Variants in TRAK1 observed in about 807,000 individuals in gnomAD.
TRAK1 encodes the protein trafficking kinesin-binding protein 1.
TRAK1 carries 33 observed loss-of-function variants against 92.1 expected under a neutral mutation model. The observed-to-expected ratio is 0.36, with a 90% confidence interval of 0.27 to 0.48. The LOEUF is 0.48. Among genes scored for constraint, TRAK1 ranks in the 20% least tolerant of loss-of-function variants. The probability of loss-of-function intolerance (pLI) is 0.99; values close to 1 mark genes in which losing one functional copy is unlikely to be tolerated. For synonymous variants in TRAK1, 521 were observed against 517.3 expected (o/e 1.01, Z -0.10); for missense variants, 1,123 against 1,257.9 (o/e 0.89, Z 1.62).
chr3:42,198,071 A>G (rs1707003561), intron 10 of TRAK1, among the ~76,000 whole-genome samples: 2 of 152,198 alleles, frequency 1.3e-5, no homozygotes, highest in African/African-American at 4.8e-5. Context: ...TCTGTTGTTT[A>G]ACATGAATTT....
chr3:42,110,962 A>G (rs918503270), intron 1 of TRAK1, among the ~76,000 whole-genome samples: 1 of 152,320 alleles, frequency 6.6e-6, no homozygotes, highest in East Asian at 1.9e-4. Context: ...GTGTAGTCCA[A>G]TGACAGAGAC....
At chr3:42,182,341 G>T (rs61659598) in intron 3 of TRAK1, among the ~76,000 whole-genome samples, 1 of 149,496 alleles carries the variant, frequency 6.7e-6, no homozygotes, top group Non-Finnish European at 1.5e-5. Context: ...GTCTCTCTCA[G>T]ACACTCAGGC....
chr3:42,101,100 T>A (rs181014451), intron 1 of TRAK1, among the ~76,000 whole-genome samples: 171 of 152,330 alleles, frequency 1.1e-3, no homozygotes, highest in African/African-American at 3.7e-3. Flanking sequence ...AGGATTGGCT[T>A]TGTTTGTCTC....
chr3:42,202,359 T>C lies in TRAK1; in HGVS notation c.1428-77T>C. The C allele has an allele frequency of 7.3e-7, 1 of 1,372,668 alleles. No homozygotes were observed. Among genetic ancestry groups the C allele is most frequent in the Non-Finnish European group, 9.5e-7 (1 of 1,049,926 alleles). The allele number at this position is 1,372,668 out of a possible 1,614,324, so 85.0% of individuals were successfully genotyped here. On this transcript the variant is annotated intron_variant, in intron 12 of 15. Coordinates refer to ENST00000327628, the MANE Select transcript of TRAK1 (RefSeq NM_001042646.3). This position sits in a 1 kb window ranked among gnomAD's most constrained non-coding sequence, Gnocchi z 6.1. ...TGTAGCCCCAGGGAACGTCCACCGC[T>C]GTGCATTGAGCAGTCGGGCCTCTGT...
At position 42,193,916 on chromosome 3, in the gene TRAK1, A is replaced by G. The variant is rs374149975; in HGVS notation, c.975+18A>G. On this transcript the variant is annotated intron_variant, in intron 9 of 15. Transcript: ENST00000327628. ...CAGCCGAGGTGAGCACCTCTCCCTCATTCCTTCAGTGCCTCTGATTGCAGC... is the reference window on the plus strand; with the variant it reads ...CAGCCGAGGTGAGCACCTCTCCCTCGTTCCTTCAGTGCCTCTGATTGCAGC... The G allele has an allele frequency of 1.2e-5, 20 of 1,611,592 alleles. No homozygotes were observed. The highest frequency in any genetic ancestry group is 4.4e-5 in the South Asian group (4 of 90,674).
chr3:42,174,196 G>A (rs1267025279), intron 2 of TRAK1, among the ~76,000 whole-genome samples: 1 of 151,968 alleles, frequency 6.6e-6, no homozygotes, highest in Non-Finnish European at 1.5e-5. Context: ...GCTAATTTTT[G>A]TGTTTTTAGT....
At chr3:42,133,153 C>T (rs1697437531) in intron 2 of TRAK1, among the ~76,000 whole-genome samples, 1 of 152,186 alleles carries the variant, frequency 6.6e-6, no homozygotes, top group Non-Finnish European at 1.5e-5. Flanking sequence ...TGAAATCCAA[C>T]TGGGTCATGC....
At chr3:42,188,979 G>C (rs754109640) in intron 5 of TRAK1, 37 bp from the exon 6 acceptor site, 1 of 1,478,172 alleles carries the variant, frequency 6.8e-7, no homozygotes, top group East Asian at 2.3e-5. Flanking sequence ...GGGAGGAAAT[G>C]CGTCTCCCTA....
intron 1 of TRAK1, chr3:42,051,655 G>C (rs1233148697): frequency 6.6e-6 from 1 of 152,274 alleles, no homozygotes; most frequent in African/African-American, 2.4e-5. Context: ...AGCTTGAGCA[G>C]CTGAGTGGCT....
chr3:42,071,328 C>T (rs146536397), intron 1 of TRAK1, among the ~76,000 whole-genome samples: 120 of 152,240 alleles, frequency 7.9e-4, no homozygotes, highest in East Asian at 6.2e-3. Context: ...GCTTGGCAGC[C>T]GCTGTTTTTG....
At position 42,199,141 on chromosome 3, in the gene TRAK1, C is replaced by T. The variant is rs747449087; in HGVS notation, c.1114-36C>T. 1.1e-5 allele frequency: 17 copies of T among 1,609,808 alleles called. No individual in the cohort carries two copies. The Middle Eastern group carries it at 6.1e-4, about 58-fold the overall frequency. On this transcript the variant is annotated intron_variant, in intron 10 of 15. Coordinates refer to ENST00000327628, the MANE Select transcript of TRAK1 (RefSeq NM_001042646.3). ...TTTAGAGACAGAGCATTTGAATTGG[C>T]GCTCACTTGACATTTGTCTTTCTGG...
chr3:42,180,884 A>G (rs1703909943), intron 3 of TRAK1, among the ~76,000 whole-genome samples: 1 of 152,104 alleles, frequency 6.6e-6, no homozygotes, highest in Non-Finnish European at 1.5e-5. Context: ...GTATATTTTT[A>G]TACAATTTGC....
chr3:42,156,522 T>G (rs1001409774), intron 2 of TRAK1, among the ~76,000 whole-genome samples: 4 of 152,124 alleles, frequency 2.6e-5, no homozygotes, highest in Admixed American at 2.6e-4. Flanking sequence ...TCAAGGATTA[T>G]GACTTATAGA....
At chr3:42,211,226 C>T in intron 14 of TRAK1, 3 of 985,378 alleles carry the variant, frequency 3.0e-6, no homozygotes, top group Non-Finnish European at 3.6e-6. Flanking sequence ...TTGGTGGTGT[C>T]TCCCATTCCC....
rs1045311520 is a variant in TRAK1, at chr3:42,223,208, T to A, written c.2333T>A (p.Ile778Asn). ...LHSYTPKMAV[I>N]PSTPPNSPMQ... Reference sequence around the variant, plus strand: ...TCCTACACGCCCAAGATGGCTGTGATCCCCTCTACTCCGCCGAACTCGCCT... The same window carrying A: ...TCCTACACGCCCAAGATGGCTGTGAACCCCTCTACTCCGCCGAACTCGCCT... The change falls in exon 16 of 16, where the codon ATC becomes AAC. Residue 778 changes from isoleucine to asparagine, a missense_variant. Transcript: ENST00000327628. This position sits in a 1 kb window ranked among gnomAD's most constrained non-coding sequence, Gnocchi z 6.1. 1 of 1,613,894 alleles carries A rather than the reference T, an allele frequency of 6.2e-7. No homozygotes were observed. The highest frequency in any genetic ancestry group is 8.5e-7 in the Non-Finnish European group (1 of 1,179,990).
intron 2 of TRAK1, among the ~76,000 whole-genome samples, chr3:42,135,391 A>G (rs567013775): frequency 2.0e-5 from 3 of 152,278 alleles, no homozygotes; most frequent in East Asian, 3.9e-4. Flanking sequence ...ATGAGATGTC[A>G]TCTTCTGAGC....
intron 1 of TRAK1, among the ~76,000 whole-genome samples, chr3:42,053,180 T>C (rs1186333442): frequency 6.6e-6 from 1 of 152,184 alleles, no homozygotes; most frequent in Non-Finnish European, 1.5e-5. Context: ...CTTTCCCGTT[T>C]GTGTAAGCTA....
upstream of TRAK1, among the ~76,000 whole-genome samples, chr3:42,089,983 G>A (rs1704919045): frequency 6.6e-6 from 1 of 152,172 alleles, no homozygotes; most frequent in Non-Finnish European, 1.5e-5. Context: ...ATCTCGAAAG[G>A]TTCAGCACCT....
At chr3:42,187,446 A>G (rs1000535011) in intron 4 of TRAK1, among the ~76,000 whole-genome samples, 1 of 152,182 alleles carries the variant, frequency 6.6e-6, no homozygotes, top group African/African-American at 2.4e-5. Flanking sequence ...GCCCCTGAAT[A>G]GTTGCATCCC....
Sources: gnomAD v4.1 joint callset for allele counts (sites outside exome capture counted in the v4.1 genomes callset) on GRCh38, gnomAD v4.1.1 for gene constraint, Gnocchi (gnomAD v3.1) non-coding constraint, MANE v1.5 for transcripts, NCBI Gene and HGNC (gene_info 2026-07-23, HGNC 2026-07-21) for gene names.